Variants in INPP5B observed in about 807,000 individuals in gnomAD.
INPP5B encodes the protein type II inositol 1,4,5-trisphosphate 5-phosphatase.
INPP5B carries 90 observed loss-of-function variants against 118.5 expected under a neutral mutation model. That is an observed-to-expected ratio of 0.76 (90% confidence interval 0.64 to 0.90). The LOEUF (loss-of-function observed/expected upper bound fraction) is 0.90. INPP5B is among the 40% of genes least tolerant of loss of function. INPP5B has a pLI of 0.00. For synonymous variants in INPP5B, 385 were observed against 418.9 expected, an observed-to-expected ratio of 0.92 and a Z score of 0.99; for missense variants, 984 against 1,125.6, an observed-to-expected ratio of 0.87 and a Z score of 1.80.
rs768140542 is a variant in INPP5B, at chr1:37,943,788, T to G, written c.250+8A>C. 1 of 1,613,528 alleles carries G rather than the reference T, an allele frequency of 6.2e-7. No homozygotes were observed. The highest frequency in any genetic ancestry group is 8.5e-7 in the Non-Finnish European group (1 of 1,179,460). ...AGAGGATTCATACCACCCAGCCCCCTGTGGCACCTTCTTCCAGCGTAAAAT... is the reference window on the plus strand; with the variant it reads ...AGAGGATTCATACCACCCAGCCCCCGGTGGCACCTTCTTCCAGCGTAAAAT... On this transcript the variant is annotated splice_region_variant and intron_variant, in intron 4 of 23. Transcript: ENST00000373024.
chr1:37,906,595 C>A (rs982502767), intron 7 of INPP5B, among the ~76,000 whole-genome samples: 1 of 152,016 alleles, frequency 6.6e-6, no homozygotes, highest in African/African-American at 2.4e-5. Context: ...GTGGCTCACA[C>A]CTGGAATCCC....
intron 7 of INPP5B, among the ~76,000 whole-genome samples, chr1:37,906,716 C>T (rs1051887899): frequency 6.6e-6 from 1 of 151,810 alleles, no homozygotes; most frequent in Non-Finnish European, 1.5e-5. Flanking sequence ...AAAAATTAGC[C>T]AGGCATGGTG....
intron 12 of INPP5B, 138 bp downstream of exon 12, chr1:37,886,750 C>T: frequency 1.5e-6 from 1 of 688,764 alleles, no homozygotes; most frequent in Non-Finnish European, 2.6e-6. Flanking sequence ...TCGACTGAGC[C>T]CTGCTTGAGG....
chr1:37,888,387 G>A (rs1418601479), intron 9 of INPP5B, 43 bp from the exon 10 acceptor site: 1 of 1,202,382 alleles, frequency 8.3e-7, no homozygotes, highest in Middle Eastern at 2.4e-4. Flanking sequence ...AATCACTATG[G>A]AGATAACAGG....
intron 14 of INPP5B, 144 bp from the exon 15 acceptor site, chr1:37,880,338 G>A: frequency 1.7e-6 from 1 of 579,230 alleles, no homozygotes; most frequent in Non-Finnish European, 3.1e-6. Context: ...AAGATCTTAA[G>A]TTAGCTAACT....
At chr1:37,900,454 A>C (rs1570196979) in intron 7 of INPP5B, among the ~76,000 whole-genome samples, 2 of 149,702 alleles carry the variant, frequency 1.3e-5, no homozygotes, top group African/African-American at 4.9e-5. Context: ...GGGGTTTCAC[A>C]ATGTTGGTCA....
intron 12 of INPP5B, among the ~76,000 whole-genome samples, chr1:37,886,675 T>G (rs1046873223): frequency 6.6e-6 from 1 of 152,248 alleles, no homozygotes; most frequent in African/African-American, 2.4e-5. Context: ...TTGGGGAATA[T>G]GAGGACAGGC....
chr1:37,938,582 G>T (rs911981276), intron 6 of INPP5B, among the ~76,000 whole-genome samples: 1 of 152,160 alleles, frequency 6.6e-6, no homozygotes, highest in Non-Finnish European at 1.5e-5. Flanking sequence ...CTTGCCCAAA[G>T]TTGCACAGCT....
At chr1:37,926,545 G>A (rs968284290) in intron 7 of INPP5B, among the ~76,000 whole-genome samples, 2 of 152,168 alleles carry the variant, frequency 1.3e-5, no homozygotes, top group South Asian at 4.1e-4. Flanking sequence ...GCCTCTGAAA[G>A]TGCTGGGATT....
chr1:37,864,479 C>T lies in INPP5B; in HGVS notation c.2515-56G>A, dbSNP rs1641907266. 3 of 1,036,412 alleles carry T rather than the reference C, an allele frequency of 2.9e-6. No homozygotes were observed. The South Asian group carries it at 4.0e-5, about 14-fold the overall frequency. The allele number at this position is 1,036,412 out of a possible 1,614,324, so 64.2% of individuals were successfully genotyped here. A position where few individuals can be genotyped will look rare whatever the true frequency, so the allele number is the denominator to read the frequency against. ...TGTTCACTGAATCATTTCTCAAGTG[C>T]CTACTATAGTCCAAGAACTGTATAC... On this transcript the variant is annotated intron_variant, in intron 22 of 23. Transcript: ENST00000373024.
intron 7 of INPP5B, among the ~76,000 whole-genome samples, chr1:37,903,582 C>T (rs1644404536): frequency 6.6e-6 from 1 of 152,156 alleles, no homozygotes; most frequent in South Asian, 2.1e-4. Flanking sequence ...AAAAAACTAG[C>T]CGGGCATGGT....
At chr1:37,876,403 TAA>T (rs1642807775) in intron 16 of INPP5B, among the ~76,000 whole-genome samples, 1 of 151,358 alleles carries the variant, frequency 6.6e-6, no homozygotes, top group Non-Finnish European at 1.5e-5. Context: ...ATTGTAATGA[TAA>T]TAAAGAGCCA....
At chr1:37,911,478 T>C (rs1644696920) in intron 7 of INPP5B, among the ~76,000 whole-genome samples, 1 of 152,180 alleles carries the variant, frequency 6.6e-6, no homozygotes, top group African/African-American at 2.4e-5. Flanking sequence ...CTTGGTTTAT[T>C]GATGGCAGTT....
chr1:37,877,827 C>G (rs1274402395), intron 16 of INPP5B, among the ~76,000 whole-genome samples: 1 of 152,102 alleles, frequency 6.6e-6, no homozygotes, highest in Non-Finnish European at 1.5e-5. Flanking sequence ...AAGACATATT[C>G]AGTCAGGGAA....
At chr1:37,932,471 C>G (rs1157016981) in intron 6 of INPP5B, among the ~76,000 whole-genome samples, 2 of 148,400 alleles carry the variant, frequency 1.3e-5, no homozygotes, top group East Asian at 2.0e-4. Context: ...CGGATTCAAG[C>G]GATTCTCCTG....
At chr1:37,887,510 G>GT in intron 10 of INPP5B, 45 bp from the exon 11 acceptor site, 3 of 1,126,880 alleles carry the variant, frequency 2.7e-6, no homozygotes, top group Non-Finnish European at 4.0e-6. Flanking sequence ...AAAGTAATGT[G>GT]CAAATGACAC....
chr1:37,933,495 C>T (rs1036685000), intron 6 of INPP5B, among the ~76,000 whole-genome samples: 1 of 152,088 alleles, frequency 6.6e-6, no homozygotes, highest in African/African-American at 2.4e-5. Flanking sequence ...TTTCAGTGAG[C>T]TGAGATCGCA....
intron 7 of INPP5B, among the ~76,000 whole-genome samples, chr1:37,905,052 A>C (rs1644459889): frequency 6.6e-6 from 1 of 152,162 alleles, no homozygotes; most frequent in South Asian, 2.1e-4. Context: ...ATCATAAAGG[A>C]AGCATTGTCA....
intron 21 of INPP5B, among the ~76,000 whole-genome samples, chr1:37,866,201 C>T (rs1279073566): frequency 2.0e-5 from 3 of 152,150 alleles, no homozygotes; most frequent in Non-Finnish European, 4.4e-5. Context: ...ACTCGGGAGG[C>T]TGAGGTGGGA....
Sources: allele counts gnomAD v4.1 joint callset (sites outside exome capture counted in the v4.1 genomes callset), GRCh38; gene constraint gnomAD v4.1.1; transcripts MANE v1.5; gene names NCBI Gene and HGNC (gene_info 2026-07-23, HGNC 2026-07-21).